Variants in PTPRD observed in about 807,000 individuals in gnomAD.
The protein encoded by PTPRD is receptor-type tyrosine-protein phosphatase delta.
PTPRD carries 34 observed loss-of-function variants against 214.5 expected under a neutral mutation model. That is an observed-to-expected ratio of 0.16 (90% CI 0.12 to 0.21). The LOEUF is 0.21. Among genes scored for constraint, PTPRD ranks in the 10% least tolerant of loss-of-function variants. The pLI is 1.00. For missense variants in PTPRD, 2,545 were observed against 2,398.7 expected (o/e 1.06, Z -1.27); for synonymous variants, 1,128 against 845.7 (o/e 1.33, Z -5.79).
At chr9:8,322,421 A>G (rs1228673911) in intron 44 of PTPRD, among the ~76,000 whole-genome samples, 3 of 152,236 alleles carry the variant, frequency 2.0e-5, no homozygotes, top group African/African-American at 7.2e-5. Flanking sequence ...ATGATAAGGA[A>G]GTAGAACAGC....
At chr9:10,564,171 CTTTTTTTTTTT>C (rs71332760) in intron 2 of PTPRD, among the ~76,000 whole-genome samples, 5 of 29,408 alleles carry the variant, frequency 1.7e-4, no homozygotes, top group South Asian at 1.7e-3. Flanking sequence ...CTAGGCTATT[CTTTTTTTTTTT>C]TTTTTTTTTT....
intron 3 of PTPRD, among the ~76,000 whole-genome samples, chr9:10,074,595 G>T (rs898922610): frequency 6.6e-6 from 1 of 152,092 alleles, no homozygotes; most frequent in Non-Finnish European, 1.5e-5. Context: ...TTGATTTCAT[G>T]ATGCTTTCTC....
chr9:9,328,642 TTTTTTTTTTTTTTG>T (rs1233876420), intron 9 of PTPRD, among the ~76,000 whole-genome samples: 9 of 81,000 alleles, frequency 1.1e-4, no homozygotes, highest in South Asian at 4.1e-4. Context: ...TTTTTTTTTT[TTTTTTTTTTTTTTG>T]AGATAGAGTC....
intron 11 of PTPRD, among the ~76,000 whole-genome samples, chr9:8,840,018 T>A (rs1377007130): frequency 6.6e-6 from 1 of 152,220 alleles, no homozygotes; most frequent in Non-Finnish European, 1.5e-5. Context: ...AAAAGGACTA[T>A]AAGCAACATA....
At chr9:9,241,388 A>G (rs935474690) in intron 9 of PTPRD, among the ~76,000 whole-genome samples, 1 of 152,170 alleles carries the variant, frequency 6.6e-6, no homozygotes, top group Non-Finnish European at 1.5e-5. Context: ...TTCAATAAGA[A>G]AATATTCTCT....
intron 3 of PTPRD, among the ~76,000 whole-genome samples, chr9:10,260,474 T>C (rs2093620360): frequency 3.9e-5 from 6 of 152,162 alleles, no homozygotes; most frequent in Admixed American, 3.9e-4. Context: ...AAGTCAACAT[T>C]TTACGCATTC....
chr9:8,538,533 A>T (rs1224489158), intron 14 of PTPRD, among the ~76,000 whole-genome samples: 1 of 151,222 alleles, frequency 6.6e-6, no homozygotes, highest in Non-Finnish European at 1.5e-5. Flanking sequence ...CAAATGTTAT[A>T]AAAAAAAGAA....
At chr9:8,554,808 C>T (rs2083233516) in intron 14 of PTPRD, among the ~76,000 whole-genome samples, 1 of 152,160 alleles carries the variant, frequency 6.6e-6, no homozygotes, top group Non-Finnish European at 1.5e-5. Context: ...CAGAAGCCTG[C>T]AAACCCCACA....
At chr9:9,438,336 G>T (rs373407918) in intron 8 of PTPRD, among the ~76,000 whole-genome samples, 40 of 152,156 alleles carry the variant, frequency 2.6e-4, no homozygotes, top group Admixed American at 8.5e-4. Flanking sequence ...ATCATGTTAG[G>T]GATAAGGGAC....
At chr9:9,214,340 C>A (rs1569563114) in intron 9 of PTPRD, among the ~76,000 whole-genome samples, 1 of 152,216 alleles carries the variant, frequency 6.6e-6, no homozygotes, top group Non-Finnish European at 1.5e-5. Flanking sequence ...AAACAAATTT[C>A]ACAACAAATT....
chr9:8,354,924 C>T (rs1162621479), intron 39 of PTPRD, among the ~76,000 whole-genome samples: 2 of 152,234 alleles, frequency 1.3e-5, no homozygotes, highest in African/African-American at 4.8e-5. Flanking sequence ...CTCTCCCACT[C>T]TACTGCACTA....
intron 6 of PTPRD, among the ~76,000 whole-genome samples, chr9:9,743,204 AT>A (rs2098422110): frequency 6.6e-6 from 1 of 152,166 alleles, no homozygotes; most frequent in Admixed American, 6.6e-5. Flanking sequence ...AAATAAAACA[AT>A]TTTATATAAA....
intron 8 of PTPRD, among the ~76,000 whole-genome samples, chr9:9,471,496 A>C (rs1378009658): frequency 6.6e-6 from 1 of 152,208 alleles, no homozygotes; most frequent in Non-Finnish European, 1.5e-5. Flanking sequence ...TCAAATAAAA[A>C]AATGCTCCCT....
Position 9,942,999 on chromosome 9 carries a change from T to C in PTPRD, c.-471-4389A>G, listed in dbSNP as rs936859995. On this transcript the variant is annotated intron_variant, in intron 4 of 45. Transcript: ENST00000381196. ...GCCACAGTGCCCTCTGGTGGCATTC[T>C]GCTCCATTGCATCTTCCCTGCACTA... 2.6e-5 allele frequency among the ~76,000 whole-genome samples: 4 copies of C among 152,098 alleles called. No homozygotes were observed. In the East Asian group the frequency reaches 7.8e-4, roughly 30 times the overall value.
chr9:9,594,563 T>C (rs1236493459), intron 7 of PTPRD, among the ~76,000 whole-genome samples: 1 of 152,114 alleles, frequency 6.6e-6, no homozygotes, highest in Non-Finnish European at 1.5e-5. Flanking sequence ...GTTTGCTTTG[T>C]CAAAGATCAG....
intron 9 of PTPRD, among the ~76,000 whole-genome samples, chr9:9,223,577 AT>A (rs976947119): frequency 1.3e-4 from 20 of 151,970 alleles, no homozygotes; most frequent in South Asian, 8.3e-4. Flanking sequence ...TGCCTTCATT[AT>A]TTTTTTTAAA....
intron 14 of PTPRD, among the ~76,000 whole-genome samples, chr9:8,562,268 A>G (rs2154211828): frequency 6.6e-6 from 1 of 152,258 alleles, no homozygotes; most frequent in South Asian, 2.1e-4. Flanking sequence ...TATTCAGTTT[A>G]CTTAGTTTCA....
chr9:8,688,470 G>A (rs1012081048), intron 12 of PTPRD, among the ~76,000 whole-genome samples: 1 of 151,462 alleles, frequency 6.6e-6, no homozygotes, highest in Non-Finnish European at 1.5e-5. Context: ...GAGGCTGAGG[G>A]AGGAGAATGG....
intron 3 of PTPRD, among the ~76,000 whole-genome samples, chr9:10,221,290 C>T (rs1005483728): frequency 2.6e-5 from 4 of 151,914 alleles, no homozygotes; most frequent in Admixed American, 6.6e-5. Flanking sequence ...TGCTCACGTG[C>T]GCGTGCACAC....
Sources: allele counts gnomAD v4.1 joint callset (sites outside exome capture counted in the v4.1 genomes callset), GRCh38; gene constraint gnomAD v4.1.1; transcripts MANE v1.5; gene names NCBI Gene and HGNC (gene_info 2026-07-23, HGNC 2026-07-21).